The following PTPRT variants were observed in gnomAD, a reference collection of about 807,000 sequenced individuals.
PTPRT encodes the protein protein tyrosine phosphatase receptor type T.
In PTPRT, 56 loss-of-function variants were observed where a neutral mutation model predicts 176.8. The ratio of observed to expected loss-of-function variants is 0.32; its 90% confidence interval spans 0.26 to 0.40. The LOEUF (loss-of-function observed/expected upper bound fraction) is 0.40. PTPRT is among the 10% of genes least tolerant of loss of function. PTPRT has a pLI of 1.00. For missense variants in PTPRT, 1,540 were observed against 1,908.2 expected, an observed-to-expected ratio of 0.81 and a Z score of 3.60; for synonymous variants, 783 against 739.0, an observed-to-expected ratio of 1.06 and a Z score of -0.96.
At chr20:43,050,162 G>T (rs971667555) in intron 1 of PTPRT, among the ~76,000 whole-genome samples, 1 of 152,174 alleles carries the variant, frequency 6.6e-6, no homozygotes, top group Non-Finnish European at 1.5e-5. Context: ...TTGTAGCAAG[G>T]CTGGTTCATT....
intron 7 of PTPRT, among the ~76,000 whole-genome samples, chr20:42,501,207 G>C (rs1256292169): frequency 6.6e-6 from 1 of 152,066 alleles, no homozygotes; most frequent in Non-Finnish European, 1.5e-5. Context: ...TAAATCATAA[G>C]CATCTGCTCT....
At chr20:42,527,565 T>C (rs530111303) in intron 7 of PTPRT, among the ~76,000 whole-genome samples, 36 of 152,342 alleles carry the variant, frequency 2.4e-4, no homozygotes, top group African/African-American at 8.7e-4. Flanking sequence ...TGCATTTCCT[T>C]TTCTGATTTT....
At chr20:42,365,719 T>G (rs967349831) in intron 9 of PTPRT, among the ~76,000 whole-genome samples, 3 of 152,174 alleles carry the variant, frequency 2.0e-5, no homozygotes, top group African/African-American at 7.2e-5. Flanking sequence ...TTATAAATTT[T>G]TGTTGGGCTG....
At chr20:42,854,710 A>G (rs1209534903) in intron 2 of PTPRT, among the ~76,000 whole-genome samples, 2 of 152,256 alleles carry the variant, frequency 1.3e-5, no homozygotes, top group Non-Finnish European at 2.9e-5. Flanking sequence ...GCTCATTAGC[A>G]TAAAGCTTGG....
chr20:42,577,837 C>CTGTGTGTG lies in PTPRT; in HGVS notation c.1153+100021_1153+100028dup, dbSNP rs11468271. On this transcript the variant is annotated intron_variant, in intron 7 of 30. Transcript: ENST00000373187. ...GAAAAACCTTCAGACCTGAGCAAGG[C>CTGTGTGTG]TGTGTGTGTGTGTGTGTGTGTGTGT... Among the ~76,000 whole-genome samples the CTGTGTGTG allele has an allele frequency of 8.0e-4, 111 of 139,424 alleles. 3 individuals carry two copies. The highest frequency in any genetic ancestry group is 6.3e-3 in the East Asian group (29 of 4,638). 91.5% of individuals were successfully genotyped at this position (139,424 alleles called of 152,430 possible). A position where few individuals can be genotyped will look rare whatever the true frequency, so the allele number is the denominator to read the frequency against.
At chr20:42,120,364 C>A (rs564169917) in intron 19 of PTPRT, among the ~76,000 whole-genome samples, 1 of 152,234 alleles carries the variant, frequency 6.6e-6, no homozygotes, top group African/African-American at 2.4e-5. Flanking sequence ...CTGTACAAGA[C>A]CCTATGGGAC....
rs368114620 is a variant in PTPRT, at chr20:42,822,289, C to A, written c.215-30823G>T. Among the ~76,000 whole-genome samples the A allele has an allele frequency of 6.7e-3, 1,027 of 152,274 alleles. 8 individuals are homozygous for A. The highest frequency in any genetic ancestry group is 0.034 in the Middle Eastern group (10 of 294). ...TGATCTTCAACAAACCTGACAAAAA[C>A]AAGCAATGGGGAAAGGACATCCTAT... On this transcript the variant is annotated intron_variant, in intron 2 of 30. Coordinates refer to ENST00000373187, the MANE Select transcript of PTPRT (RefSeq NM_007050.6).
At chr20:42,581,787 C>A (rs1326201658) in intron 7 of PTPRT, among the ~76,000 whole-genome samples, 1 of 152,232 alleles carries the variant, frequency 6.6e-6, no homozygotes, top group South Asian at 2.1e-4. Context: ...TTTAAAACAT[C>A]GCAATTGTAG....
At chr20:42,412,933 A>G (rs1387153660) in intron 9 of PTPRT, among the ~76,000 whole-genome samples, 2 of 152,164 alleles carry the variant, frequency 1.3e-5, no homozygotes, top group African/African-American at 4.8e-5. Flanking sequence ...ACTTTTTGGG[A>G]TTATGAAAAT....
chr20:42,758,564 A>G (rs1182561050), intron 5 of PTPRT, among the ~76,000 whole-genome samples: 1 of 152,048 alleles, frequency 6.6e-6, no homozygotes, highest in East Asian at 1.9e-4. Context: ...ACTTTTTCAC[A>G]TTCTTCAAAC....
intron 1 of PTPRT, among the ~76,000 whole-genome samples, chr20:43,055,172 G>A (rs1464432893): frequency 2.6e-5 from 4 of 152,180 alleles, no homozygotes; most frequent in Admixed American, 2.6e-4. Context: ...ATCTTAATGA[G>A]CATCCAAGTT....
chr20:42,513,801 C>A (rs1489752654), intron 7 of PTPRT, among the ~76,000 whole-genome samples: 2 of 152,124 alleles, frequency 1.3e-5, no homozygotes, highest in East Asian at 3.9e-4. Context: ...TGGGGTTAGT[C>A]ATTCAACTGC....
intron 11 of PTPRT, among the ~76,000 whole-genome samples, chr20:42,334,227 G>C (rs1019464281): frequency 2.6e-5 from 4 of 152,170 alleles, no homozygotes; most frequent in African/African-American, 9.7e-5. Flanking sequence ...GGGGCTGGCT[G>C]TGCTGTGCAT....
chr20:42,089,255 C>T (rs1984359304), intron 27 of PTPRT, among the ~76,000 whole-genome samples: 2 of 152,128 alleles, frequency 1.3e-5, no homozygotes, highest in South Asian at 4.1e-4. Flanking sequence ...GCCTTGCAAC[C>T]TTCACAGTAA....
In PTPRT at chr20:42,108,973, G is replaced by T. The variant is rs182838327; in HGVS notation, c.3254+1360C>A. Among the ~76,000 whole-genome samples the T allele has an allele frequency of 6.6e-5, 10 of 152,276 alleles. No individual in the cohort carries two copies. In the East Asian group the frequency reaches 1.9e-3, roughly 29 times the overall value. ...TTTCTTTCTCCCTAACCCTTGATCT[G>T]GGTGCTCTTTGGGATATAGAGATGG... On this transcript the variant is annotated intron_variant, in intron 23 of 30. Transcript: ENST00000373187.
intron 9 of PTPRT, among the ~76,000 whole-genome samples, chr20:42,402,623 G>A (rs1459426021): frequency 2.6e-5 from 4 of 151,954 alleles, no homozygotes; most frequent in Non-Finnish European, 5.9e-5. Flanking sequence ...AGAGAGGGAG[G>A]CGGTGGTGTG....
chr20:42,575,289 G>A (rs2073237880), intron 7 of PTPRT, among the ~76,000 whole-genome samples: 1 of 152,206 alleles, frequency 6.6e-6, no homozygotes, highest in African/African-American at 2.4e-5. Flanking sequence ...GGACCGTCAA[G>A]TGTTAGCAGA....
intron 11 of PTPRT, among the ~76,000 whole-genome samples, chr20:42,333,101 AT>A (rs1440670915): frequency 6.6e-6 from 1 of 152,198 alleles, no homozygotes; most frequent in Admixed American, 6.5e-5. Flanking sequence ...TTAAATGGCT[AT>A]TAAAATATTC....
chr20:43,043,021 T>C (rs1031398365), intron 1 of PTPRT, among the ~76,000 whole-genome samples: 9 of 152,186 alleles, frequency 5.9e-5, no homozygotes, highest in African/African-American at 1.7e-4. Context: ...ATGTGGCCCA[T>C]CTGAATCACA....
Sources: gnomAD v4.1 joint callset for allele counts (sites outside exome capture counted in the v4.1 genomes callset) on GRCh38, gnomAD v4.1.1 for gene constraint, MANE v1.5 for transcripts, NCBI Gene and HGNC (gene_info 2026-07-23, HGNC 2026-07-21) for gene names.